ASH1L: variants seen among roughly 807,000 people sequenced by gnomAD.
The protein encoded by ASH1L is histone-lysine N-methyltransferase ASH1L.
A neutral mutation model predicts 269.0 loss-of-function variants in ASH1L; 23 were observed. That is an observed-to-expected ratio of 0.09 (90% CI 0.06 to 0.12). The LOEUF (loss-of-function observed/expected upper bound fraction) is 0.12. Among genes scored for constraint, ASH1L ranks in the 10% least tolerant of loss-of-function variants. ASH1L has a pLI of 1.00. For synonymous variants in ASH1L, 1,187 were observed against 1,253.5 expected (o/e 0.95, Z 1.12); for missense variants, 2,912 against 3,567.8 (o/e 0.82, Z 4.68).
At chr1:155,528,481 CAT>C (rs1669426953) in intron 1 of ASH1L, among the ~76,000 whole-genome samples, 1 of 151,490 alleles carries the variant, frequency 6.6e-6, no homozygotes, top group African/African-American at 2.4e-5. Flanking sequence ...GAATTGCTCA[CAT>C]GATTATGGAA....
intron 27 of ASH1L, 130 bp from the exon 28 acceptor site, chr1:155,337,881 C>A: frequency 9.5e-7 from 1 of 1,048,798 alleles, no homozygotes; most frequent in Non-Finnish European, 1.4e-6. Context: ...GCCCATCCTC[C>A]AACCCTACGT....
chr1:155,486,936 C>T (rs1050231591), intron 2 of ASH1L, among the ~76,000 whole-genome samples: 1 of 151,910 alleles, frequency 6.6e-6, no homozygotes, highest in Non-Finnish European at 1.5e-5. Context: ...GAGGCTGATG[C>T]GGGCAGATCA....
intron 6 of ASH1L, among the ~76,000 whole-genome samples, chr1:155,403,571 A>G (rs1311592375): frequency 1.3e-5 from 2 of 152,174 alleles, no homozygotes; most frequent in Non-Finnish European, 2.9e-5. Context: ...TAACATATAT[A>G]AACTCATTAG....
At chr1:155,463,489 G>A (rs970704406) in intron 3 of ASH1L, among the ~76,000 whole-genome samples, 1 of 152,044 alleles carries the variant, frequency 6.6e-6, no homozygotes, top group Non-Finnish European at 1.5e-5. Flanking sequence ...GAGTCCTTAG[G>A]TTTATTATGG....
In ASH1L at chr1:155,472,184, G is replaced by A. The variant is rs186272762; in HGVS notation, c.4984+5702C>T. Among the ~76,000 whole-genome samples the A allele has an allele frequency of 9.9e-5, 15 of 152,214 alleles. No individual in the cohort carries two copies. In the East Asian group the frequency reaches 2.5e-3, roughly 25 times the overall value. On this transcript the variant is annotated intron_variant, in intron 3 of 27. Transcript: ENST00000392403. ...TGCACTTCTGCAATCCCAGCTACTC[G>A]GAGGCTGAGGCAGGAGAACAGCTTG...
At chr1:155,408,934 CAGAG>C (rs1041102752) in intron 6 of ASH1L, among the ~76,000 whole-genome samples, 1 of 151,390 alleles carries the variant, frequency 6.6e-6, no homozygotes. Context: ...ACAAAACAAA[CAGAG>C]AGTTTACGGA....
At chr1:155,493,584 CA>C (rs1227380395) in intron 2 of ASH1L, among the ~76,000 whole-genome samples, 21 of 152,240 alleles carry the variant, frequency 1.4e-4, no homozygotes, top group Non-Finnish European at 2.5e-4. Context: ...ATTCATTTTT[CA>C]GGGGGGGCAT....
At chr1:155,562,946 C>G (rs1359898946), upstream of ASH1L, 1 of 456,972 alleles carries the variant, frequency 2.2e-6, no homozygotes, top group Non-Finnish European at 4.4e-6. Flanking sequence ...CCCACAATCC[C>G]CCCCGCGGGA....
At chr1:155,415,675 T>C in intron 6 of ASH1L, 69 bp downstream of exon 6, 1 of 1,512,540 alleles carries the variant, frequency 6.6e-7, no homozygotes, top group East Asian at 2.3e-5. Context: ...ATATTGTTTT[T>C]TGATAGTCAA....
At position 155,394,501 on chromosome 1, in the gene ASH1L, A is replaced by C. The variant is rs991483086; in HGVS notation, c.6103+958T>G. The stretch of plus-strand genomic sequence containing the variant: ...GATGGCTATTGCAGCAGCCTGAAGA[A>C]AAGATACTACTGTCACAGACTTGAG... On this transcript the variant is annotated intron_variant, in intron 7 of 27. Transcript: ENST00000392403. 3.9e-5 allele frequency among the ~76,000 whole-genome samples: 6 copies of C among 152,226 alleles called. No homozygotes were observed. In the South Asian group the frequency reaches 1.2e-3, roughly 32 times the overall value.
chr1:155,459,888 T>C lies in ASH1L; in HGVS notation c.4995A>G (p.Pro1665=), dbSNP rs1170427020. 1 of 1,594,976 alleles carries C rather than the reference T, an allele frequency of 6.3e-7. No individual in the cohort carries two copies. Among genetic ancestry groups the C allele is most frequent in the Admixed American group, 1.8e-5 (1 of 55,444 alleles). Residue 1665 remains proline (P), a synonymous_variant, in exon 4 of 28, where the codon CCA becomes CCG. Transcript: ENST00000392403. ...RAVQTLAGSQ[P]TSDKPSQRPS... ...GCCGCTGGGAGGGTTTATCAGAGGT[T>C]GGCTGGGAGCCTGGAGAAAGAGAAA...
chr1:155,346,605 A>G, intron 20 of ASH1L, 136 bp from the exon 21 acceptor site: 1 of 693,898 alleles, frequency 1.4e-6, no homozygotes, highest in Non-Finnish European at 2.5e-6. Context: ...GTGAATGATA[A>G]ATTAGAGATA....
rs1665844493 is a variant in ASH1L at position 155,480,043 on chromosome 1, G to T, written c.2827C>A (p.Gln943Lys). Residue 943 changes from glutamine to lysine, a missense_variant, in exon 3 of 28, where the codon CAG becomes AAG. This residue lies in a region of ASH1L where 715 missense variants were observed against 721.0 expected (regional missense o/e 0.99). Coordinates refer to ENST00000392403, the MANE Select transcript of ASH1L (RefSeq NM_018489.3). ...SDFFESEDQLQDPDDLDDSHR... is the reference protein window; with the variant it reads ...SDFFESEDQLKDPDDLDDSHR... ...CTGTCATCTAGGTCATCTGGATCCT[G>T]AAGTTGATCCTCGCTCTCAAAGAAA... 6.2e-7 allele frequency: 1 copy of T among 1,613,934 alleles called. No individual in the cohort carries two copies. Among genetic ancestry groups the T allele is most frequent in the Non-Finnish European group, 8.5e-7 (1 of 1,180,018 alleles).
At chr1:155,533,222 C>T (rs980828704) in intron 1 of ASH1L, among the ~76,000 whole-genome samples, 6 of 151,948 alleles carry the variant, frequency 3.9e-5, no homozygotes, top group African/African-American at 1.5e-4. Flanking sequence ...TAATAAAATA[C>T]TTACTGAGTT....
At chr1:155,456,294 C>T (rs1378701451) in intron 4 of ASH1L, among the ~76,000 whole-genome samples, 2 of 152,148 alleles carry the variant, frequency 1.3e-5, no homozygotes, top group African/African-American at 2.4e-5. Flanking sequence ...TATTTCAATG[C>T]CACCTGAATT....
At chr1:155,354,263 C>CA (rs1268363197) in intron 16 of ASH1L, among the ~76,000 whole-genome samples, 2 of 152,104 alleles carry the variant, frequency 1.3e-5, no homozygotes, top group Non-Finnish European at 2.9e-5. Flanking sequence ...GCCAACATGG[C>CA]AAAACCCCCT....
chr1:155,348,974 G>A (rs1261485854), intron 19 of ASH1L, among the ~76,000 whole-genome samples: 1 of 148,292 alleles, frequency 6.7e-6, no homozygotes, highest in Non-Finnish European at 1.5e-5. Context: ...GCATATTTCT[G>A]TATATTTCAC....
chr1:155,527,274 C>A (rs991342810), intron 1 of ASH1L, among the ~76,000 whole-genome samples: 5 of 152,132 alleles, frequency 3.3e-5, no homozygotes, highest in African/African-American at 1.2e-4. Context: ...TTTCTCTGTT[C>A]CTCTTCACAA....
intron 1 of ASH1L, among the ~76,000 whole-genome samples, chr1:155,533,252 T>C (rs879453172): frequency 1.3e-5 from 2 of 152,108 alleles, no homozygotes; most frequent in Admixed American, 1.3e-4. Context: ...TACAAAGCTC[T>C]ATGCCAAATG....
Sources: gnomAD v4.1 joint callset for allele counts (sites outside exome capture counted in the v4.1 genomes callset) on GRCh38, gnomAD v4.1.1 for gene constraint, gnomAD v4.1.1 regional missense constraint, MANE v1.5 for transcripts, NCBI Gene and HGNC (gene_info 2026-07-23, HGNC 2026-07-21) for gene names.